DACH1: variants seen among roughly 807,000 people sequenced by gnomAD.
DACH1 encodes the protein dachshund homolog 1.
DACH1 carries 12 observed loss-of-function variants against 54.2 expected under a neutral mutation model. The observed-to-expected ratio is 0.22, with a 90% confidence interval of 0.14 to 0.36. DACH1 has a LOEUF of 0.36. DACH1 is among the 10% of genes least tolerant of loss of function. DACH1 has a pLI of 1.00. For synonymous variants in DACH1, 386 were observed against 366.2 expected, an observed-to-expected ratio of 1.05 and a Z score of -0.62; for missense variants, 805 against 929.8, an observed-to-expected ratio of 0.87 and a Z score of 1.75.
intron 6 of DACH1, among the ~76,000 whole-genome samples, chr13:71,547,555 C>T (rs151312509): frequency 2.7e-4 from 41 of 152,152 alleles, no homozygotes; most frequent in African/African-American, 9.6e-4. Context: ...TGGGACAAAA[C>T]TGTTATACAC....
At chr13:71,442,794 G>A (rs559084252) in intron 10 of DACH1, among the ~76,000 whole-genome samples, 1 of 151,804 alleles carries the variant, frequency 6.6e-6, no homozygotes, top group South Asian at 2.1e-4. Context: ...ATAGCTACAT[G>A]GATAATAATA....
intron 2 of DACH1, among the ~76,000 whole-genome samples, chr13:71,664,490 T>C (rs770615973): frequency 6.6e-6 from 1 of 151,796 alleles, no homozygotes; most frequent in South Asian, 2.1e-4. Context: ...GTGAAAACAA[T>C]AAAAACATAA....
intron 1 of DACH1, among the ~76,000 whole-genome samples, chr13:71,829,266 T>C (rs1411621005): frequency 6.6e-6 from 1 of 151,884 alleles, no homozygotes; most frequent in Non-Finnish European, 1.5e-5. Flanking sequence ...TGTGTTTAAA[T>C]GTAAGACAAA....
chr13:71,677,995 G>A (rs1284750123), intron 2 of DACH1, among the ~76,000 whole-genome samples: 2 of 152,112 alleles, frequency 1.3e-5, no homozygotes, highest in African/African-American at 4.8e-5. Flanking sequence ...TGAGATTACA[G>A]GCATCAGCCA....
intron 10 of DACH1, among the ~76,000 whole-genome samples, chr13:71,464,989 T>C (rs1470830425): frequency 1.3e-5 from 2 of 152,030 alleles, no homozygotes; most frequent in African/African-American, 2.4e-5. Context: ...ACAAGACAAA[T>C]AGAAATAATT....
At chr13:71,838,509 ATTG>A (rs1430630570) in intron 1 of DACH1, among the ~76,000 whole-genome samples, 1 of 152,218 alleles carries the variant, frequency 6.6e-6, no homozygotes, top group East Asian at 1.9e-4. Flanking sequence ...ACTACATAGA[ATTG>A]TTAAGATAAA....
At chr13:71,731,290 CTTTTTTT>C (rs1201969481) in intron 1 of DACH1, among the ~76,000 whole-genome samples, 1 of 131,064 alleles carries the variant, frequency 7.6e-6, no homozygotes, top group Non-Finnish European at 1.6e-5. Context: ...TCTTGATCTT[CTTTTTTT>C]TTTTTTTTTT....
intron 1 of DACH1, among the ~76,000 whole-genome samples, chr13:71,788,795 T>C (rs1175977294): frequency 1.3e-5 from 2 of 152,098 alleles, no homozygotes; most frequent in Non-Finnish European, 2.9e-5. Context: ...CATACAAATA[T>C]GCTGTTGTAA....
intron 1 of DACH1, among the ~76,000 whole-genome samples, chr13:71,768,947 A>G (rs1046148547): frequency 6.6e-6 from 1 of 151,762 alleles, no homozygotes; most frequent in Non-Finnish European, 1.5e-5. Flanking sequence ...TACAATTTTC[A>G]TCTGTATTAC....
Position 71,821,579 on chromosome 13 carries a change from A to G in DACH1, c.848+44343T>C, listed in dbSNP as rs1888189211. On this transcript the variant is annotated intron_variant, in intron 1 of 10. Transcript: ENST00000613252. ...TACACCTATAAGTTAGGAATGCCTA[A>G]TGCCTACATTAGTTATATATTTTCT... 3.2e-5 allele frequency among the ~76,000 whole-genome samples: 4 copies of G among 125,028 alleles called. No individual in the cohort carries two copies. The Admixed American group carries it at 3.2e-4, about 10-fold the overall frequency. The allele number at this position is 125,028 out of a possible 152,430, so 82.0% of individuals were successfully genotyped here.
chr13:71,466,126 T>C (rs968154380), intron 10 of DACH1, among the ~76,000 whole-genome samples: 5 of 152,192 alleles, frequency 3.3e-5, no homozygotes, highest in Non-Finnish European at 7.4e-5. Flanking sequence ...TAAATTAGGA[T>C]CACTTGTGAA....
intron 2 of DACH1, among the ~76,000 whole-genome samples, chr13:71,650,091 C>T (rs1878568471): frequency 1.3e-5 from 2 of 152,258 alleles, no homozygotes; most frequent in South Asian, 4.1e-4. Context: ...TATGCTCACT[C>T]CTTATAATAT....
chr13:71,448,417 C>T (rs752768040), intron 10 of DACH1, among the ~76,000 whole-genome samples: 1 of 152,102 alleles, frequency 6.6e-6, no homozygotes, highest in African/African-American at 2.4e-5. Flanking sequence ...TTTGATAAGA[C>T]AACGAAAGGA....
chr13:71,648,283 C>A (rs1202958835), intron 2 of DACH1, among the ~76,000 whole-genome samples: 2 of 152,166 alleles, frequency 1.3e-5, no homozygotes, highest in African/African-American at 2.4e-5. Flanking sequence ...TTGGTGGTAA[C>A]ATTTTCTCAA....
intron 2 of DACH1, among the ~76,000 whole-genome samples, chr13:71,632,579 T>C (rs1158095583): frequency 6.6e-6 from 1 of 152,180 alleles, no homozygotes; most frequent in Non-Finnish European, 1.5e-5. Context: ...CACTTCTAGT[T>C]ATTCTAGCAA....
At chr13:71,657,477 G>A (rs1370505331) in intron 2 of DACH1, among the ~76,000 whole-genome samples, 1 of 150,960 alleles carries the variant, frequency 6.6e-6, no homozygotes, top group Non-Finnish European at 1.5e-5. Context: ...CTCCAGTCTG[G>A]GTGACAGACT....
At chr13:71,484,024 T>C (rs954716941) in intron 7 of DACH1, among the ~76,000 whole-genome samples, 1 of 152,354 alleles carries the variant, frequency 6.6e-6, no homozygotes, top group East Asian at 1.9e-4. Context: ...TGCATGACTA[T>C]AGTTCAGTCT....
chr13:71,537,447 A>G (rs774646285), intron 6 of DACH1, among the ~76,000 whole-genome samples: 1 of 152,138 alleles, frequency 6.6e-6, no homozygotes, highest in African/African-American at 2.4e-5. Context: ...TATCTTTGAT[A>G]AGAATATAAA....
In DACH1 at chr13:71,519,882, A is replaced by ATTATATATATATATATAT. The variant is rs1555290464; in HGVS notation, c.1571-30735_1571-30734insATATATATATATATATAA. Among the ~76,000 whole-genome samples the ATTATATATATATATATAT allele has an allele frequency of 1.2e-3, 42 of 35,546 alleles. 1 individual carries two copies. Among genetic ancestry groups the ATTATATATATATATATAT allele is most frequent in the East Asian group, 2.0e-3 (1 of 510 alleles). The allele number at this position is 35,546 out of a possible 152,430, so 23.3% of individuals were successfully genotyped here. On this transcript the variant is annotated intron_variant, in intron 6 of 10. Transcript: ENST00000613252. ...TAGATGTTTGTGTCCAAACCAAAGT[A>ATTATATATATATATATAT]GTATATATATATATATATATATATA... is the stretch of plus-strand genomic sequence containing the variant.
Sources: allele counts gnomAD v4.1 joint callset (sites outside exome capture counted in the v4.1 genomes callset), GRCh38; gene constraint gnomAD v4.1.1; transcripts MANE v1.5; gene names NCBI Gene and HGNC (gene_info 2026-07-23, HGNC 2026-07-21).